Variants in ADAMTS16 observed in about 807,000 individuals in gnomAD.
The protein encoded by ADAMTS16 is ADAM metallopeptidase with thrombospondin type 1 motif 16.
A neutral mutation model predicts 145.8 loss-of-function variants in ADAMTS16; 94 were observed. That is an observed-to-expected ratio of 0.64 (90% CI 0.55 to 0.77). The LOEUF is 0.77. Ranked by LOEUF, ADAMTS16 falls within the 30% of genes least tolerant of loss-of-function variation. The probability of loss-of-function intolerance (pLI) is 0.00; values close to 1 mark genes in which losing one functional copy is unlikely to be tolerated. For synonymous variants in ADAMTS16, 659 were observed against 604.3 expected, an observed-to-expected ratio of 1.09 and a Z score of -1.33; for missense variants, 1,585 against 1,591.5, an observed-to-expected ratio of 1.00 and a Z score of 0.07.
rs1172907918 is a variant in ADAMTS16, at chr5:5,213,176, A to T, written c.1605+3930A>T. ...TTTGTTTAAAAATAGCTGCTTTTAA[A>T]TAAGACAAGAAATTAAACCATCTTT... On this transcript the variant is annotated intron_variant, in intron 10 of 22. Coordinates refer to ENST00000274181, the MANE Select transcript of ADAMTS16 (RefSeq NM_139056.4). Among the ~76,000 whole-genome samples, 3 of 152,260 alleles carry T rather than the reference A, an allele frequency of 2.0e-5. No individual in the cohort carries two copies. The East Asian group carries it at 5.8e-4, about 29-fold the overall frequency.
intron 3 of ADAMTS16, among the ~76,000 whole-genome samples, chr5:5,171,254 C>A (rs1735034410): frequency 6.6e-6 from 1 of 152,054 alleles, no homozygotes; most frequent in Admixed American, 6.6e-5. Context: ...AATTTGAATG[C>A]CCTTTCTTTC....
intron 11 of ADAMTS16, among the ~76,000 whole-genome samples, chr5:5,228,326 T>C (rs1274948578): frequency 3.3e-5 from 5 of 152,194 alleles, no homozygotes; most frequent in African/African-American, 4.8e-5. Context: ...CACGTTATTA[T>C]TGATGGATTT....
At chr5:5,165,757 G>A (rs874428) in intron 3 of ADAMTS16, among the ~76,000 whole-genome samples, 20,443 of 152,178 alleles carry the variant, frequency 0.13, 1,506 homozygotes, top group Middle Eastern at 0.28. Context: ...CCATGGGGCC[G>A]CACACTGGGA....
At chr5:5,236,331 G>C (rs1737106645) in intron 13 of ADAMTS16, among the ~76,000 whole-genome samples, 1 of 151,330 alleles carries the variant, frequency 6.6e-6, no homozygotes, top group South Asian at 2.1e-4. Flanking sequence ...AGAACAAAAG[G>C]GGCAAAATGG....
intron 17 of ADAMTS16, among the ~76,000 whole-genome samples, chr5:5,243,480 C>A (rs755976839): frequency 2.0e-5 from 3 of 152,194 alleles, no homozygotes; most frequent in Non-Finnish European, 4.4e-5. Context: ...ACATTCCTAA[C>A]CATATGTATT....
chr5:5,241,651 G>A (rs1257387415), intron 16 of ADAMTS16, among the ~76,000 whole-genome samples: 1 of 152,126 alleles, frequency 6.6e-6, no homozygotes, highest in Non-Finnish European at 1.5e-5. Context: ...TCAGATGCAG[G>A]GGATCCCAAA....
intron 22 of ADAMTS16, among the ~76,000 whole-genome samples, chr5:5,318,785 G>A (rs565136264): frequency 2.6e-5 from 4 of 152,180 alleles, no homozygotes; most frequent in South Asian, 2.1e-4. Flanking sequence ...GGGTAGATGC[G>A]TGGTTGAGTG....
intron 17 of ADAMTS16, among the ~76,000 whole-genome samples, chr5:5,259,895 C>A (rs1224087619): frequency 6.6e-6 from 1 of 151,810 alleles, no homozygotes; most frequent in Non-Finnish European, 1.5e-5. Flanking sequence ...GCTGTGTCAT[C>A]CCCTTTCAAA....
chr5:5,152,103 A>G (rs1224879502), intron 3 of ADAMTS16, among the ~76,000 whole-genome samples: 1 of 152,194 alleles, frequency 6.6e-6, no homozygotes, highest in Non-Finnish European at 1.5e-5. Context: ...CAAAATCTTT[A>G]TTATTTTTGA....
intron 18 of ADAMTS16, among the ~76,000 whole-genome samples, chr5:5,295,093 G>A (rs1433662788): frequency 6.6e-6 from 1 of 152,156 alleles, no homozygotes; most frequent in African/African-American, 2.4e-5. Context: ...TTTTAATTAT[G>A]GCCCAAGCAT....
At chr5:5,304,093 C>G (rs1010896058) in intron 20 of ADAMTS16, among the ~76,000 whole-genome samples, 1 of 152,156 alleles carries the variant, frequency 6.6e-6, no homozygotes, top group African/African-American at 2.4e-5. Flanking sequence ...TGGAGACTCA[C>G]CTAACTCCTG....
chr5:5,140,787 C>T (rs1463253751), intron 2 of ADAMTS16, 21 bp downstream of exon 2: 3 of 1,529,828 alleles, frequency 2.0e-6, no homozygotes, highest in African/African-American at 1.4e-5. Context: ...GAGGTGGGGG[C>T]TTCTAATCCT....
chr5:5,165,985 G>A (rs1489531959), intron 3 of ADAMTS16, among the ~76,000 whole-genome samples: 1 of 152,102 alleles, frequency 6.6e-6, no homozygotes, highest in Non-Finnish European at 1.5e-5. Flanking sequence ...TAGCCTTTCG[G>A]TCATTTTCAA....
chr5:5,196,266 G>A (rs1283046021), intron 8 of ADAMTS16, among the ~76,000 whole-genome samples: 1 of 146,042 alleles, frequency 6.8e-6, no homozygotes, highest in African/African-American at 2.5e-5. Flanking sequence ...AGCAGCATTG[G>A]TGTCACTATT....
rs1438509131 is a variant in ADAMTS16, at chr5:5,317,235, T to A, written c.3412-899T>A. Among the ~76,000 whole-genome samples the A allele has an allele frequency of 1.3e-5, 2 of 152,170 alleles. No individual in the cohort carries two copies. The highest frequency in any genetic ancestry group is 3.9e-4 in the East Asian group (2 of 5,184). On this transcript the variant is annotated intron_variant, in intron 21 of 22. Coordinates refer to ENST00000274181, the MANE Select transcript of ADAMTS16 (RefSeq NM_139056.4). The surrounding 1 kb of genome is among the most constrained non-coding windows in gnomAD (Gnocchi z 4.5). ...ATACCGTAAATAGAAACCAAGATGT[T>A]AAGTCTTTTCATGTTTTTCAATCAG...
intron 17 of ADAMTS16, among the ~76,000 whole-genome samples, chr5:5,254,483 C>T (rs1431381131): frequency 6.6e-6 from 1 of 152,038 alleles, no homozygotes; most frequent in African/African-American, 2.4e-5. Context: ...ATACAAGTAC[C>T]TATATTTATA....
intron 9 of ADAMTS16, among the ~76,000 whole-genome samples, chr5:5,203,428 G>A (rs1736010824): frequency 6.6e-6 from 1 of 152,216 alleles, no homozygotes; most frequent in Non-Finnish European, 1.5e-5. Context: ...TCCCAACAAT[G>A]AGCAAGGATA....
At chr5:5,183,394 G>A (rs988536693) in intron 4 of ADAMTS16, among the ~76,000 whole-genome samples, 2 of 152,232 alleles carry the variant, frequency 1.3e-5, no homozygotes, top group Admixed American at 6.5e-5. Flanking sequence ...ACCCAGATGC[G>A]TGGCGGAGGC....
chr5:5,179,641 T>G (rs1215824450), intron 3 of ADAMTS16, among the ~76,000 whole-genome samples: 1 of 152,262 alleles, frequency 6.6e-6, no homozygotes, highest in East Asian at 1.9e-4. Flanking sequence ...TGTCTTCGTT[T>G]AGTTCCCGGA....
Sources: gnomAD v4.1 joint callset for allele counts (sites outside exome capture counted in the v4.1 genomes callset) on GRCh38, gnomAD v4.1.1 for gene constraint, Gnocchi (gnomAD v3.1) non-coding constraint, MANE v1.5 for transcripts, NCBI Gene and HGNC (gene_info 2026-07-23, HGNC 2026-07-21) for gene names.